Variants in PRSS23 observed in about 807,000 individuals in gnomAD.
PRSS23 encodes the protein serine protease 23, also known as protease, serine 23.
Under a neutral mutation model 34.7 loss-of-function variants are expected in PRSS23, and 25 were observed. The observed-to-expected ratio is 0.72, with a 90% CI of 0.53 to 1.01. The LOEUF (loss-of-function observed/expected upper bound fraction) is 1.01. Ranked by LOEUF, PRSS23 falls within the 50% of genes least tolerant of loss-of-function variation. The probability of loss-of-function intolerance (pLI) is 0.00; values close to 1 mark genes in which losing one functional copy is unlikely to be tolerated. For synonymous variants in PRSS23, 176 were observed against 186.6 expected, an observed-to-expected ratio of 0.94 and a Z score of 0.46; for missense variants, 445 against 475.6, an observed-to-expected ratio of 0.94 and a Z score of 0.60.
At chr11:86,855,611 T>C (rs897736163) in intron 2 of PRSS23, among the ~76,000 whole-genome samples, 1 of 152,202 alleles carries the variant, frequency 6.6e-6, no homozygotes, top group Admixed American at 6.5e-5. Context: ...TTCTGCTGCC[T>C]CAGCCTCCCA....
At chr11:86,866,498 A>G (rs113151451) in intron 2 of PRSS23, among the ~76,000 whole-genome samples, 11 of 152,326 alleles carry the variant, frequency 7.2e-5, no homozygotes, top group African/African-American at 2.6e-4. Context: ...TTTAAAATCC[A>G]TTCATCATCT....
At chr11:86,839,925 C>G (rs1230288621) in intron 2 of PRSS23, among the ~76,000 whole-genome samples, 1 of 151,346 alleles carries the variant, frequency 6.6e-6, no homozygotes, top group Non-Finnish European at 1.5e-5. Context: ...ATCACCAGGC[C>G]TGCCTTACAA....
downstream of PRSS23, among the ~76,000 whole-genome samples, chr11:86,813,231 G>A (rs1808073723): frequency 6.6e-6 from 1 of 152,156 alleles, no homozygotes. Flanking sequence ...GATGCTTCAA[G>A]CCCAGTCATC....
chr11:86,832,632 A>G, intron 2 of PRSS23: 2 of 484,352 alleles, frequency 4.1e-6, no homozygotes, highest in South Asian at 1.5e-5. Flanking sequence ...TACATCATTG[A>G]GGCCACTGCA....
At chr11:86,841,953 A>G (rs1227093483) in intron 2 of PRSS23, among the ~76,000 whole-genome samples, 1 of 152,234 alleles carries the variant, frequency 6.6e-6, no homozygotes, top group Non-Finnish European at 1.5e-5. Flanking sequence ...TCATCCTGAT[A>G]CCAAAACCTG....
intron 2 of PRSS23, chr11:86,950,864 C>G (rs1449175391): frequency 2.0e-6 from 1 of 502,458 alleles, no homozygotes; most frequent in African/African-American, 1.9e-5. Flanking sequence ...CTCCACGCTC[C>G]AAGCTGCAAC....
chr11:86,866,715 G>C (rs73512451), intron 2 of PRSS23, among the ~76,000 whole-genome samples: 18 of 152,294 alleles, frequency 1.2e-4, no homozygotes, highest in African/African-American at 4.1e-4. Flanking sequence ...TTTGGGTCAT[G>C]GAGTAGAATC....
intron 2 of PRSS23, among the ~76,000 whole-genome samples, chr11:86,830,290 C>T (rs1052561554): frequency 7.9e-5 from 12 of 152,014 alleles, no homozygotes; most frequent in South Asian, 2.1e-4. Flanking sequence ...TAGGACCCTC[C>T]GAGCCAGGTG....
chr11:86,891,122 T>C (rs909524088), intron 2 of PRSS23, among the ~76,000 whole-genome samples: 1 of 152,172 alleles, frequency 6.6e-6, no homozygotes, highest in African/African-American at 2.4e-5. Flanking sequence ...TTGCCAAGCC[T>C]GTTTTCTGTA....
At chr11:86,918,426 A>T (rs1242135993) in intron 2 of PRSS23, among the ~76,000 whole-genome samples, 1 of 152,220 alleles carries the variant, frequency 6.6e-6, no homozygotes, top group Admixed American at 6.5e-5. Context: ...GAAAGAAAGA[A>T]GTCTTCTCCC....
chr11:86,890,388 A>G (rs1407852171), intron 2 of PRSS23, among the ~76,000 whole-genome samples: 1 of 152,228 alleles, frequency 6.6e-6, no homozygotes, highest in Non-Finnish European at 1.5e-5. Flanking sequence ...ATGCCAGAAC[A>G]AAAGTTTACA....
chr11:86,877,920 C>T (rs1450396484), intron 2 of PRSS23, among the ~76,000 whole-genome samples: 1 of 150,284 alleles, frequency 6.7e-6, no homozygotes, highest in Non-Finnish European at 1.5e-5. Flanking sequence ...ATTGCATTGA[C>T]TCTGTGGGCC....
intron 2 of PRSS23, chr11:86,933,394 G>A (rs1431682855): frequency 1.3e-5 from 2 of 152,132 alleles, no homozygotes; most frequent in African/African-American, 4.8e-5. Context: ...TGGCTCTCAA[G>A]CAGTATCTCA....
intron 1 of PRSS23, among the ~76,000 whole-genome samples, chr11:86,792,330 G>C (rs996672672): frequency 6.6e-6 from 1 of 152,182 alleles, no homozygotes; most frequent in Non-Finnish European, 1.5e-5. Flanking sequence ...TTCCCTCCAA[G>C]GTGCTCATGC....
In PRSS23 at chr11:86,828,552, T is replaced by G. The variant is rs1458090180; in HGVS notation, c.206+4959T>G. On this transcript the variant is annotated intron_variant, in intron 2 of 2. Transcript: ENST00000533902. ...TCCTGTCATTATGATGTTAGCTGGTTATTTTGCTTGTTAGTTGATGCAGTT... is the reference window on the plus strand; with the variant it reads ...TCCTGTCATTATGATGTTAGCTGGTGATTTTGCTTGTTAGTTGATGCAGTT... Among the ~76,000 whole-genome samples the G allele has an allele frequency of 8.5e-5, 13 of 152,302 alleles. No homozygotes were observed. The East Asian group carries it at 2.5e-3, about 29-fold the overall frequency.
upstream of PRSS23, chr11:86,800,445 C>T: frequency 3.1e-6 from 3 of 983,368 alleles, no homozygotes; most frequent in Non-Finnish European, 3.6e-6. Context: ...CGGGCGGCGT[C>T]CGCGCGGCTT....
chr11:86,843,125 C>A (rs548545920), intron 2 of PRSS23, among the ~76,000 whole-genome samples: 1 of 152,282 alleles, frequency 6.6e-6, no homozygotes, highest in African/African-American at 2.4e-5. Context: ...CACTCATCTA[C>A]AACCATCTGA....
intron 2 of PRSS23, among the ~76,000 whole-genome samples, chr11:86,876,946 A>G (rs74362934): frequency 0.036 from 5,513 of 152,300 alleles, 137 homozygotes; most frequent in Middle Eastern, 0.12. Context: ...CTGAGTAAAG[A>G]GTCTCCATCA....
intron 2 of PRSS23, among the ~76,000 whole-genome samples, chr11:86,850,271 G>A (rs759774372): frequency 8.9e-4 from 135 of 152,088 alleles, no homozygotes; most frequent in African/African-American, 2.7e-3. Context: ...GGAATGACCC[G>A]TTGGTCCCTC....
Sources: allele counts gnomAD v4.1 joint callset (sites outside exome capture counted in the v4.1 genomes callset), GRCh38; gene constraint gnomAD v4.1.1; transcripts MANE v1.5; gene names NCBI Gene and HGNC (gene_info 2026-07-23, HGNC 2026-07-21).